AKAP12: variants seen among roughly 807,000 people sequenced by gnomAD.
AKAP12 encodes A-kinase anchor protein 12.
AKAP12 carries 32 observed loss-of-function variants against 79.9 expected under a neutral mutation model. That is an observed-to-expected ratio of 0.40 (90% CI 0.30 to 0.54). AKAP12 has a LOEUF of 0.54. Among genes scored for constraint, AKAP12 ranks in the 20% least tolerant of loss-of-function variants. The pLI is 0.48. For missense variants in AKAP12, 2,074 were observed against 2,177.0 expected (o/e 0.95, Z 0.94); for synonymous variants, 808 against 857.0 (o/e 0.94, Z 1.00).
At chr6:151,319,002 C>T (rs1431731757) in intron 3 of AKAP12, among the ~76,000 whole-genome samples, 1 of 152,022 alleles carries the variant, frequency 6.6e-6, no homozygotes, top group Non-Finnish European at 1.5e-5. Context: ...ATATCTATAC[C>T]TTTTCATTTG....
intron 3 of AKAP12, among the ~76,000 whole-genome samples, chr6:151,347,553 G>C (rs963737827): frequency 2.0e-5 from 3 of 152,274 alleles, no homozygotes; most frequent in African/African-American, 7.2e-5. Context: ...TTTTTTGATA[G>C]TTAAGTTTGT....
chr6:151,301,833 T>C (rs552390915), intron 2 of AKAP12, among the ~76,000 whole-genome samples: 11 of 152,244 alleles, frequency 7.2e-5, no homozygotes, highest in Middle Eastern at 3.4e-3. Context: ...AAGTTAATAA[T>C]GTATCTACGG....
At chr6:151,336,621 T>C (rs2114801712) in intron 3 of AKAP12, among the ~76,000 whole-genome samples, 1 of 152,262 alleles carries the variant, frequency 6.6e-6, no homozygotes, top group African/African-American at 2.4e-5. Flanking sequence ...GGCATGTGGC[T>C]GTAATCCTAG....
At chr6:151,290,646 C>G (rs1417505775) in intron 2 of AKAP12, among the ~76,000 whole-genome samples, 1 of 151,614 alleles carries the variant, frequency 6.6e-6, no homozygotes, top group African/African-American at 2.4e-5. Context: ...ACTCTTGTTG[C>G]CCAGGCTGGA....
Position 151,350,134 on chromosome 6 carries a change from G to A in AKAP12, c.1743G>A (p.Lys581=), listed in dbSNP as rs750500894. ...EEPEEITCLE[K]GLAEVQQDGE... is the part of the protein sequence containing the mutation. The stretch of plus-strand genomic sequence containing the variant: ...CCGAGGAGATCACGTGTCTGGAAAA[G>A]GGCTTAGCCGAGGTGCAGCAGGATG... The change falls in exon 4 of 5, where the codon AAG becomes AAA. Residue 581 remains lysine, a synonymous_variant. Coordinates refer to ENST00000402676, the MANE Select transcript of AKAP12 (RefSeq NM_005100.4). The surrounding 1 kb of genome is among the most constrained non-coding windows in gnomAD (Gnocchi z 4.8). 1 of 1,614,008 alleles carries A rather than the reference G, an allele frequency of 6.2e-7. No homozygotes were observed. Among genetic ancestry groups the A allele is most frequent in the Non-Finnish European group, 8.5e-7 (1 of 1,180,000 alleles).
intron 2 of AKAP12, among the ~76,000 whole-genome samples, chr6:151,285,826 G>C (rs956517813): frequency 6.6e-6 from 1 of 151,826 alleles, no homozygotes; most frequent in South Asian, 2.1e-4. Flanking sequence ...AAGTGCAAAG[G>C]CTTTATGATT....
intron 2 of AKAP12, among the ~76,000 whole-genome samples, chr6:151,259,012 A>G (rs1252723675): frequency 3.3e-5 from 5 of 150,380 alleles, no homozygotes; most frequent in South Asian, 4.2e-4. Context: ...GTGTGTGTGT[A>G]TATATATATA....
intron 2 of AKAP12, among the ~76,000 whole-genome samples, chr6:151,244,468 G>A (rs1045725584): frequency 6.6e-6 from 1 of 152,190 alleles, no homozygotes; most frequent in African/African-American, 2.4e-5. Context: ...AGTTTGCAAT[G>A]AGCCGAGTTG....
In AKAP12 at chr6:151,350,126, C is replaced by G. The variant is rs200508345; in HGVS notation, c.1735C>G (p.Leu579Val). Residue 579 changes from leucine (L) to valine (V), a missense_variant, in exon 4 of 5, where the codon CTG (leucine) becomes GTG (valine). Leu to Val is a conservative substitution (Grantham distance 32). This residue lies in a region of AKAP12 where 1,428 missense variants were observed against 1,451.0 expected (regional missense o/e 0.98). Transcript: ENST00000402676. This position sits in a 1 kb window ranked among gnomAD's most constrained non-coding sequence, Gnocchi z 4.8. ...TGAGGAGCCCGAGGAGATCACGTGT[C>G]TGGAAAAGGGCTTAGCCGAGGTGCA... ...SPEEPEEITC[L>V]EKGLAEVQQD... The G allele has an allele frequency of 1.2e-5, 19 of 1,613,804 alleles. No individual in the cohort carries two copies. In the East Asian group the frequency reaches 3.8e-4, roughly 32 times the overall value.
rs184860579 is a variant in AKAP12 at position 151,281,461 on chromosome 6, A to C, written c.163-24286A>C. The stretch of plus-strand genomic sequence containing the variant: ...TATTTTAATTTCAGGTTATGAGCAG[A>C]TTTAGTGCCCACTTTATCTTTTGAG... On this transcript the variant is annotated intron_variant, in intron 2 of 4. Coordinates refer to ENST00000402676, the MANE Select transcript of AKAP12 (RefSeq NM_005100.4). Among the ~76,000 whole-genome samples, 8 of 152,284 alleles carry C rather than the reference A, an allele frequency of 5.3e-5. 1 individual carries two copies. The highest frequency in any genetic ancestry group is 1.9e-4 in the African/African-American group (8 of 41,544).
rs1653168066 is a variant in AKAP12, at chr6:151,349,696, G to A, written c.1305G>A (p.Val435=). The A allele has an allele frequency of 6.2e-7, 1 of 1,614,098 alleles. No individual in the cohort carries two copies. The highest frequency in any genetic ancestry group is 8.5e-7 in the Non-Finnish European group (1 of 1,180,020). ...EERTEEQKTE[V]EETAGSVPAE... The stretch of plus-strand genomic sequence containing the variant: ...GAACCGAAGAGCAGAAAACGGAGGT[G>A]GAAGAAACAGCAGGGTCTGTGCCAG... Residue 435 remains valine, a synonymous_variant, in exon 4 of 5, where the codon GTG becomes GTA. Transcript: ENST00000402676.
rs746464742 is a variant in AKAP12, at chr6:151,330,872, C to A, written c.320-17839C>A. Among the ~76,000 whole-genome samples, 20 of 152,216 alleles carry A rather than the reference C, an allele frequency of 1.3e-4. No homozygotes were observed. In the East Asian group the frequency reaches 3.9e-3, roughly 29 times the overall value. ...CTGTCTCTACATTATATGGAGCTTG[C>A]GGATGGGGAACACATAGCCAGCAGG... On this transcript the variant is annotated intron_variant, in intron 3 of 4. Coordinates refer to ENST00000402676, the MANE Select transcript of AKAP12 (RefSeq NM_005100.4).
chr6:151,312,334 G>T (rs377526548), intron 3 of AKAP12, among the ~76,000 whole-genome samples: 1 of 151,844 alleles, frequency 6.6e-6, no homozygotes, highest in African/African-American at 2.4e-5. Context: ...TTAGCTGGAC[G>T]TGGTGGTGCA....
intron 2 of AKAP12, among the ~76,000 whole-genome samples, chr6:151,274,141 G>A (rs1342427671): frequency 6.6e-6 from 1 of 150,696 alleles, no homozygotes; most frequent in African/African-American, 2.4e-5. Flanking sequence ...GCGCAATCTC[G>A]GCTCACTGCA....
chr6:151,352,120 A>G lies in AKAP12; in HGVS notation c.3729A>G (p.Leu1243=). 6.2e-7 allele frequency: 1 copy of G among 1,614,208 alleles called. No individual in the cohort carries two copies. The highest frequency in any genetic ancestry group is 1.1e-5 in the South Asian group (1 of 91,090). The change falls in exon 4 of 5, where the codon CTA becomes CTG. Residue 1243 remains leucine (L), a synonymous_variant. Transcript: ENST00000402676. The part of the protein sequence containing the change: ...TKEQSKMEDT[L]EHTDKEVSVE... Reference sequence around the variant, plus strand: ...AACAATCAAAGATGGAAGACACTCTAGAGCATACAGATAAAGAGGTGTCAG... The same window carrying G: ...AACAATCAAAGATGGAAGACACTCTGGAGCATACAGATAAAGAGGTGTCAG...
At chr6:151,269,619 A>G (rs1282190749) in intron 2 of AKAP12, among the ~76,000 whole-genome samples, 2 of 152,232 alleles carry the variant, frequency 1.3e-5, no homozygotes, top group Non-Finnish European at 2.9e-5. Flanking sequence ...TACCCCAGGA[A>G]GATATCTCTG....
chr6:151,268,964 T>G (rs75335754), intron 2 of AKAP12, among the ~76,000 whole-genome samples: 3 of 132,362 alleles, frequency 2.3e-5, no homozygotes, highest in Admixed American at 1.5e-4. Context: ...TTTTTTTTTT[T>G]TTTTTTTTTT....
At chr6:151,270,007 T>G (rs1310130674) in intron 2 of AKAP12, among the ~76,000 whole-genome samples, 1 of 152,216 alleles carries the variant, frequency 6.6e-6, no homozygotes, top group East Asian at 1.9e-4. Flanking sequence ...TCATTTATTA[T>G]GGTGTTTGCA....
intron 3 of AKAP12, among the ~76,000 whole-genome samples, chr6:151,337,678 G>T (rs938370634): frequency 4.0e-5 from 6 of 151,568 alleles, no homozygotes; most frequent in Admixed American, 6.6e-5. Context: ...CTTTCTTTTT[G>T]TTGGGAAAAC....
Sources: gnomAD v4.1 joint callset for allele counts (sites outside exome capture counted in the v4.1 genomes callset) on GRCh38, gnomAD v4.1.1 for gene constraint, gnomAD v4.1.1 regional missense constraint, Gnocchi (gnomAD v3.1) non-coding constraint, MANE v1.5 for transcripts, NCBI Gene and HGNC (gene_info 2026-07-23, HGNC 2026-07-21) for gene names.